The following NRXN1 variants were observed in gnomAD, a reference collection of about 807,000 sequenced individuals.
NRXN1 encodes neurexin 1.
A neutral mutation model predicts 150.9 loss-of-function variants in NRXN1; 39 were observed. That is an observed-to-expected ratio of 0.26 (90% CI 0.20 to 0.34). NRXN1 has a LOEUF of 0.34. Among genes scored for constraint, NRXN1 ranks in the 10% least tolerant of loss-of-function variants. The pLI is 1.00. For synonymous variants in NRXN1, 924 were observed against 757.0 expected (o/e 1.22, Z -3.62); for missense variants, 1,815 against 1,949.9 (o/e 0.93, Z 1.30).
At chr2:50,509,782 T>G (rs1371210659) in intron 12 of NRXN1, among the ~76,000 whole-genome samples, 1 of 152,204 alleles carries the variant, frequency 6.6e-6, no homozygotes, top group Non-Finnish European at 1.5e-5. Context: ...GCCAACGTCT[T>G]TCTCCCTGCA....
At chr2:50,747,764 T>C (rs895569426) in intron 5 of NRXN1, among the ~76,000 whole-genome samples, 46 of 152,230 alleles carry the variant, frequency 3.0e-4, no homozygotes, top group African/African-American at 8.7e-4. Flanking sequence ...TTCTAATTAT[T>C]TTACACATAT....
At position 49,919,654 on chromosome 2, in the gene NRXN1, A is replaced by G. The variant is rs1336727072; in HGVS notation, c.*2290T>C. 3 of 152,042 alleles carry G rather than the reference A, an allele frequency of 2.0e-5. No homozygotes were observed. The East Asian group carries it at 5.8e-4, about 29-fold the overall frequency. 9.4% of individuals were successfully genotyped at this position (152,042 alleles called of 1,614,324 possible). A position where few individuals can be genotyped will look rare whatever the true frequency, so the allele number is the denominator to read the frequency against. ...TGAGTAAGACTGAATGAGACGGGGG[A>G]AAAGAAAAGACTCGTGAATTATTTA... On this transcript the variant is annotated 3_prime_UTR_variant, in exon 23 of 23. Transcript: ENST00000401669.
chr2:50,918,783 G>T (rs1182472011), intron 5 of NRXN1: 1 of 288,650 alleles, frequency 3.5e-6, no homozygotes, highest in Middle Eastern at 9.4e-4. Context: ...ATAGAAAGGA[G>T]AATAAAATTA....
chr2:50,286,484 A>G (rs1250764756), intron 17 of NRXN1, among the ~76,000 whole-genome samples: 1 of 152,182 alleles, frequency 6.6e-6, no homozygotes, highest in African/African-American at 2.4e-5. Flanking sequence ...ATGGCTGGAT[A>G]GTAGTCTGTT....
intron 9 of NRXN1, 28 bp from the exon 10 acceptor site, chr2:50,538,664 G>A (rs754828259): frequency 2.8e-6 from 4 of 1,428,846 alleles, no homozygotes; most frequent in Admixed American, 2.5e-5. Context: ...GAATGCACAG[G>A]TCTTTAAAAA....
chr2:50,805,010 T>A (rs568550228), intron 5 of NRXN1, among the ~76,000 whole-genome samples: 1 of 152,184 alleles, frequency 6.6e-6, no homozygotes, highest in Non-Finnish European at 1.5e-5. Flanking sequence ...GTGACCTTTT[T>A]GTAGCCTCTT....
At chr2:50,248,530 A>G (rs2066727060) in intron 17 of NRXN1, among the ~76,000 whole-genome samples, 1 of 152,200 alleles carries the variant, frequency 6.6e-6, no homozygotes, top group African/African-American at 2.4e-5. Context: ...TAAGTCTTTA[A>G]AATGAACATA....
chr2:50,643,469 G>T (rs1410375922), intron 5 of NRXN1, among the ~76,000 whole-genome samples: 3 of 151,776 alleles, frequency 2.0e-5, no homozygotes, highest in South Asian at 2.1e-4. Context: ...ATGGCAAGCT[G>T]CTTTTATTTC....
chr2:50,891,975 C>T (rs1477462080), intron 5 of NRXN1, among the ~76,000 whole-genome samples: 8 of 151,902 alleles, frequency 5.3e-5, no homozygotes, highest in Non-Finnish European at 8.8e-5. Flanking sequence ...GACAAAAATC[C>T]CTGTACTTAA....
intron 16 of NRXN1, among the ~76,000 whole-genome samples, chr2:50,467,128 G>A (rs1176730552): frequency 6.6e-6 from 1 of 151,762 alleles, no homozygotes; most frequent in African/African-American, 2.4e-5. Context: ...AAATTTCCAT[G>A]TGCAGCGTTT....
intron 5 of NRXN1, among the ~76,000 whole-genome samples, chr2:50,879,291 A>C (rs745555185): frequency 4.0e-4 from 60 of 151,882 alleles, no homozygotes; most frequent in Non-Finnish European, 8.1e-4. Context: ...CACATTTCTG[A>C]CTTGCCAGGC....
At chr2:50,104,029 C>T (rs1701321906) in intron 18 of NRXN1, among the ~76,000 whole-genome samples, 1 of 151,942 alleles carries the variant, frequency 6.6e-6, no homozygotes, top group Admixed American at 6.6e-5. Context: ...AATTGATACC[C>T]TATATTGTTT....
At chr2:50,574,132 C>T (rs2105477151) in intron 8 of NRXN1, among the ~76,000 whole-genome samples, 1 of 152,208 alleles carries the variant, frequency 6.6e-6, no homozygotes, top group Admixed American at 6.5e-5. Context: ...AAAAGTAGTC[C>T]TCCTTTACTT....
chr2:50,848,099 C>T (rs1205131790), intron 5 of NRXN1, among the ~76,000 whole-genome samples: 3 of 152,158 alleles, frequency 2.0e-5, no homozygotes, highest in Non-Finnish European at 2.9e-5. Flanking sequence ...ATGTAACACA[C>T]GCCCACTGGG....
intron 5 of NRXN1, among the ~76,000 whole-genome samples, chr2:50,900,638 A>T (rs1682785430): frequency 6.6e-6 from 1 of 152,140 alleles, no homozygotes; most frequent in African/African-American, 2.4e-5. Context: ...ATTATTAAAT[A>T]AATAGGGCTC....
rs1303445158 is a variant in NRXN1, at chr2:50,621,264, G to A, written c.1135-15C>T. 5 of 1,560,052 alleles carry A rather than the reference G, an allele frequency of 3.2e-6. No homozygotes were observed. The highest frequency in any genetic ancestry group is 1.4e-5 in the African/African-American group (1 of 73,778). ...ATGCCTGAGTGCTTTGTGGAGAAGG[G>A]GGGAGAAAGGAAATTAAAAACTGTG... is the stretch of plus-strand genomic sequence containing the variant. On this transcript the variant is annotated splice_polypyrimidine_tract_variant and intron_variant, in intron 6 of 22. Coordinates refer to ENST00000401669, the MANE Select transcript of NRXN1 (RefSeq NM_001330078.2).
intron 5 of NRXN1, among the ~76,000 whole-genome samples, chr2:50,835,534 G>A (rs1309880725): frequency 6.6e-6 from 1 of 152,106 alleles, no homozygotes; most frequent in Non-Finnish European, 1.5e-5. Flanking sequence ...GTTTAAAAAT[G>A]CAAATGTTTC....
rs142453094 is a variant in NRXN1 at position 50,375,175 on chromosome 2, T to C, written c.3364+90267A>G. Among the ~76,000 whole-genome samples, 393 of 152,214 alleles carry C rather than the reference T, an allele frequency of 2.6e-3. 4 individuals are homozygous for C. The highest frequency in any genetic ancestry group is 4.7e-3 in the Non-Finnish European group (322 of 67,994). ...CTTTTAATATACCTTAGTTTAACAT[T>C]GCTTTTAAGAGGAAAGTTGCATGCT... On this transcript the variant is annotated intron_variant, in intron 17 of 22. Transcript: ENST00000401669.
intron 17 of NRXN1, among the ~76,000 whole-genome samples, chr2:50,248,677 T>G (rs2066742880): frequency 1.3e-5 from 2 of 152,146 alleles, no homozygotes; most frequent in Non-Finnish European, 2.9e-5. Context: ...TCATTGAAAT[T>G]CTTATGAAAT....
Sources: allele counts gnomAD v4.1 joint callset (sites outside exome capture counted in the v4.1 genomes callset), GRCh38; gene constraint gnomAD v4.1.1; transcripts MANE v1.5; gene names NCBI Gene and HGNC (gene_info 2026-07-23, HGNC 2026-07-21).